The following OR5B21 variants were observed in gnomAD, a reference collection of about 807,000 sequenced individuals.
OR5B21 encodes the protein olfactory receptor 5B21.
For missense variants in OR5B21, 372 were observed against 375.7 expected, an observed-to-expected ratio of 0.99 and a Z score of 0.08; for synonymous variants, 151 against 143.3, an observed-to-expected ratio of 1.05 and a Z score of -0.38.
At position 58,507,738 on chromosome 11, in the gene OR5B21, G is replaced by C. The variant is rs148173637; in HGVS notation, c.368C>G (p.Ala123Gly). The C allele has an allele frequency of 6.2e-7, 1 of 1,614,006 alleles. No homozygotes were observed. The highest frequency in any genetic ancestry group is 1.7e-5 in the Admixed American group (1 of 59,970). ...LASMAYDRHA[A>G]VCRPLHYTTT... ...GGTGTAATGAAGAGGCCTACATACCGCTGCATGGCGATCATAGGCCATGGA... is the reference window on the plus strand; with the variant it reads ...GGTGTAATGAAGAGGCCTACATACCCCTGCATGGCGATCATAGGCCATGGA... Residue 123 changes from alanine to glycine, a missense_variant, in exon 1 of 1, where the codon GCG becomes GGG. By Grantham distance (60) the Ala-to-Gly change is moderately conservative. Transcript: ENST00000360374.
rs79301780 is a variant in OR5B21, at chr11:58,507,271, T to A, written c.835A>T (p.Ile279Phe). ...KIASVFYTVV[I>F]PMLNPLIYSL... ...TATATCAAGGGATTCAGCATGGGAA[T>A]CACCACTGTGTAAAACACAGAGGCT... The change falls in exon 1 of 1, where the codon ATT (isoleucine) becomes TTT (phenylalanine). Residue 279 changes from isoleucine to phenylalanine, a missense_variant. Transcript: ENST00000360374. The A allele has an allele frequency of 5.1e-3, 8,225 of 1,614,074 alleles. 324 individuals carry two copies. The African/African-American group carries it at 0.094, about 18-fold the overall frequency.
chr11:58,507,355 T>G lies in OR5B21; in HGVS notation c.751A>C (p.Thr251Pro). 1 of 1,614,158 alleles carries G rather than the reference T, an allele frequency of 6.2e-7. No homozygotes were observed. Among genetic ancestry groups the G allele is most frequent in the Non-Finnish European group, 8.5e-7 (1 of 1,180,024 alleles). The change falls in exon 1 of 1, where the codon ACA becomes CCA. Residue 251 changes from threonine (T) to proline (P), a missense_variant. By Grantham distance (38) the Thr-to-Pro change is conservative. Coordinates refer to ENST00000360374, the MANE Select transcript of OR5B21 (RefSeq NM_001005218.3). ...HLTALSIFYG[T>P]IIFMYLQPNS... Reference sequence around the variant, plus strand: ...GGCTGTAAGTACATGAAGATGATTGTGCCATAGAAGATGGACAAAGCAGTG... The same window carrying G: ...GGCTGTAAGTACATGAAGATGATTGGGCCATAGAAGATGGACAAAGCAGTG...
At position 58,507,068 on chromosome 11, in the gene OR5B21, T is replaced by C. The variant is rs1590737578; in HGVS notation, c.*108A>G. 2 of 764,916 alleles carry C rather than the reference T, an allele frequency of 2.6e-6. No individual in the cohort carries two copies. The highest frequency in any genetic ancestry group is 4.9e-5 in the East Asian group (2 of 40,578). The allele number at this position is 764,916 out of a possible 1,614,324, so 47.4% of individuals were successfully genotyped here. ...CTTCTAATAGCAGAAGTAACCGCTG[T>C]TCTTGGGGAAGAAAGAACTGAAACC... is the stretch of plus-strand genomic sequence containing the variant. On this transcript the variant is annotated 3_prime_UTR_variant, in exon 1 of 1. Transcript: ENST00000360374.
chr11:58,506,981 G>C lies in OR5B21; in HGVS notation c.*195C>G, dbSNP rs1277295100. Among the ~76,000 whole-genome samples, 1 of 152,200 alleles carries C rather than the reference G, an allele frequency of 6.6e-6. No individual in the cohort carries two copies. Among genetic ancestry groups the C allele is most frequent in the Non-Finnish European group, 1.5e-5 (1 of 68,034 alleles). The stretch of plus-strand genomic sequence containing the variant: ...AAGAAAAGCTTAACTGTCCCATGTT[G>C]TTGTTCACTAAATATAAGATTATCT... On this transcript the variant is annotated 3_prime_UTR_variant, in exon 1 of 1. Coordinates refer to ENST00000360374, the MANE Select transcript of OR5B21 (RefSeq NM_001005218.3).
rs771189295 is a variant in OR5B21 at position 58,507,496 on chromosome 11, C to T, written c.610G>A (p.Val204Ile). The change falls in exon 1 of 1, where the codon GTC becomes ATC. Residue 204 changes from valine to isoleucine, a missense_variant. Physicochemically the swap from Val to Ile is conservative, Grantham distance 29. Transcript: ENST00000360374. ...AGGATGACCAGGAGGGTGAAAAAGACGTTGAAGCCTGCCACAAAGACCACC... is the reference window on the plus strand; with the variant it reads ...AGGATGACCAGGAGGGTGAAAAAGATGTTGAAGCCTGCCACAAAGACCACC... ...KLVVFVAGFN[V>I]FFTLLVILIS... 2.3e-5 allele frequency: 37 copies of T among 1,614,042 alleles called. No homozygotes were observed. The East Asian group carries it at 3.1e-4, about 14-fold the overall frequency.
In OR5B21 at chr11:58,507,732, C is replaced by T. The variant is rs1853069193; in HGVS notation, c.374G>A (p.Cys125Tyr). 1 of 1,614,054 alleles carries T rather than the reference C, an allele frequency of 6.2e-7. No individual in the cohort carries two copies. Among genetic ancestry groups the T allele is most frequent in the African/African-American group, 1.3e-5 (1 of 74,944 alleles). ...SMAYDRHAAV[C>Y]RPLHYTTTMT... Reference sequence around the variant, plus strand: ...GGTGGTGGTGTAATGAAGAGGCCTACATACCGCTGCATGGCGATCATAGGC... The same window carrying T: ...GGTGGTGGTGTAATGAAGAGGCCTATATACCGCTGCATGGCGATCATAGGC... The change falls in exon 1 of 1, where the codon TGT becomes TAT. Residue 125 changes from cysteine to tyrosine, a missense_variant. Transcript: ENST00000360374.
In OR5B21 at chr11:58,507,558, A is replaced by G. The variant is rs531148002; in HGVS notation, c.548T>C (p.Leu183Pro). Residue 183 changes from leucine to proline, a missense_variant, in exon 1 of 1, where the codon CTG becomes CCG. Leu to Pro is a moderately conservative substitution (Grantham distance 98). Coordinates refer to ENST00000360374, the MANE Select transcript of OR5B21 (RefSeq NM_001005218.3). ...GCGTGTGTCAGAGCATGAGAGAGCC[A>G]GGAGTGGGGGAATGTCACAGAAGAA... ...NHFFCDIPPLLALSCSDTRIS... is the reference protein window; with the variant it reads ...NHFFCDIPPLPALSCSDTRIS... The G allele has an allele frequency of 1.4e-5, 22 of 1,614,060 alleles. No homozygotes were observed. In the Admixed American group the frequency reaches 3.3e-4, roughly 24 times the overall value.
chr11:58,507,067 G>A lies in OR5B21; in HGVS notation c.*109C>T. ...TCTTCTAATAGCAGAAGTAACCGCTGTTCTTGGGGAAGAAAGAACTGAAAC... is the reference window on the plus strand; with the variant it reads ...TCTTCTAATAGCAGAAGTAACCGCTATTCTTGGGGAAGAAAGAACTGAAAC... On this transcript the variant is annotated 3_prime_UTR_variant, in exon 1 of 1. Transcript: ENST00000360374. 5.3e-6 allele frequency: 4 copies of A among 760,502 alleles called. No individual in the cohort carries two copies. Among genetic ancestry groups the A allele is most frequent in the Non-Finnish European group, 8.8e-6 (4 of 452,962 alleles). 47.1% of individuals were successfully genotyped at this position (760,502 alleles called of 1,614,324 possible).
Position 58,508,062 on chromosome 11 carries a change from A to T in OR5B21, c.44T>A (p.Leu15Ter), listed in dbSNP as rs753916329. ...TEVTEFILLG[L>*]TDDPNLQIPL... ...TATCTGAAGATTGGGGTCATCTGTT[A>T]ATCCCAAGAGGATAAACTCTGTCAC... Residue 15 changes from leucine (L) to a stop codon, truncating the protein, a stop_gained, in exon 1 of 1, where the codon TTA becomes TAA. Transcript: ENST00000360374. LOFTEE classifies it low-confidence loss of function (END_TRUNC). 5.0e-6 allele frequency: 8 copies of T among 1,614,008 alleles called. No individual in the cohort carries two copies. Among genetic ancestry groups the T allele is most frequent in the Non-Finnish European group, 6.8e-6 (8 of 1,179,926 alleles).
In OR5B21 at chr11:58,507,869, C is replaced by A. The variant is rs370146756; in HGVS notation, c.237G>T (p.Thr79=). 2.3e-5 allele frequency: 37 copies of A among 1,614,104 alleles called. No homozygotes were observed. The Middle Eastern group carries it at 1.6e-3, about 72-fold the overall frequency. ...LGYSSAVAPK[T]VAALRSGDKA... ...TGTCCCCTGACCGCAATGCAGCCAC[C>A]GTTTTGGGGGCTACAGCTGATGAGT... The change falls in exon 1 of 1, where the codon ACG becomes ACT. Residue 79 remains threonine, a synonymous_variant. Coordinates refer to ENST00000360374, the MANE Select transcript of OR5B21 (RefSeq NM_001005218.3).
rs758203429 is a variant in OR5B21 at position 58,508,100 on chromosome 11, C to T, written c.6G>A (p.Glu2=). 1.2e-6 allele frequency: 2 copies of T among 1,610,726 alleles called. No individual in the cohort carries two copies. The highest frequency in any genetic ancestry group is 1.3e-5 in the African/African-American group (1 of 74,960). The change falls in exon 1 of 1, where the codon GAG becomes GAA. Residue 2 remains glutamate, a synonymous_variant. Coordinates refer to ENST00000360374, the MANE Select transcript of OR5B21 (RefSeq NM_001005218.3). M[E]NSTEVTEFIL... ...TAAACTCTGTCACTTCTGTGCTATTCTCCATTGTGGCCAGCTTGAATTAGC... is the reference window on the plus strand; with the variant it reads ...TAAACTCTGTCACTTCTGTGCTATTTTCCATTGTGGCCAGCTTGAATTAGC...
rs973073253 is a variant in OR5B21, at chr11:58,507,916, G to A, written c.190C>T (p.Leu64Phe). 1.9e-6 allele frequency: 3 copies of A among 1,614,138 alleles called. No individual in the cohort carries two copies. The South Asian group carries it at 3.3e-5, about 18-fold the overall frequency. The change falls in exon 1 of 1, where the codon CTC becomes TTC. Residue 64 changes from leucine (L) to phenylalanine (F), a missense_variant. Physicochemically the swap from Leu to Phe is conservative, Grantham distance 22 (BLOSUM62 0). Coordinates refer to ENST00000360374, the MANE Select transcript of OR5B21 (RefSeq NM_001005218.3). The stretch of plus-strand genomic sequence containing the variant: ...GAGTAACCCAAGTCTACAAGGGAGA[G>A]GTTACTGAGGAAAAAGTACATTGGA... ...HTPMYFFLSN[L>F]SLVDLGYSSA...
At position 58,507,497 on chromosome 11, in the gene OR5B21, G is replaced by A. The variant is rs148982754; in HGVS notation, c.609C>T (p.Asn203=). 187 of 1,614,008 alleles carry A rather than the reference G, an allele frequency of 1.2e-4. No individual in the cohort carries two copies. In the African/African-American group the frequency reaches 2.0e-3, roughly 17 times the overall value. Residue 203 remains asparagine, a synonymous_variant, in exon 1 of 1, where the codon AAC becomes AAT. Transcript: ENST00000360374. ...SKLVVFVAGF[N]VFFTLLVILI... The stretch of plus-strand genomic sequence containing the variant: ...GGATGACCAGGAGGGTGAAAAAGAC[G>A]TTGAAGCCTGCCACAAAGACCACCA...
rs569035967 is a variant in OR5B21 at position 58,507,245 on chromosome 11, G to T, written c.861C>A (p.Tyr287Ter). Residue 287 changes from tyrosine (Y) to a stop codon, truncating the protein, a stop_gained, in exon 1 of 1, where the codon TAC becomes TAA. Transcript: ENST00000360374. LOFTEE classifies it low-confidence loss of function (END_TRUNC). ...VVIPMLNPLI[Y>*]SLRNKEVKSA... Reference sequence around the variant, plus strand: ...TTTTCACTTCTTTGTTCCTAAGGCTGTATATCAAGGGATTCAGCATGGGAA... The same window carrying T: ...TTTTCACTTCTTTGTTCCTAAGGCTTTATATCAAGGGATTCAGCATGGGAA... The T allele has an allele frequency of 1.9e-6, 3 of 1,614,038 alleles. No homozygotes were observed. In the African/African-American group the frequency reaches 4.0e-5, roughly 22 times the overall value.
Position 58,507,737 on chromosome 11 carries a change from C to G in OR5B21, c.369G>C (p.Ala123=). ...TGGTGTAATGAAGAGGCCTACATAC[C>G]GCTGCATGGCGATCATAGGCCATGG... The part of the protein sequence containing the change: ...LASMAYDRHA[A]VCRPLHYTTT... Residue 123 remains alanine (A), a synonymous_variant, in exon 1 of 1, where the codon GCG becomes GCC. Coordinates refer to ENST00000360374, the MANE Select transcript of OR5B21 (RefSeq NM_001005218.3). The G allele has an allele frequency of 6.2e-7, 1 of 1,614,114 alleles. No individual in the cohort carries two copies. Among genetic ancestry groups the G allele is most frequent in the Non-Finnish European group, 8.5e-7 (1 of 1,180,020 alleles).
chr11:58,507,749 A>ATC lies in OR5B21; in HGVS notation c.355_356dup (p.Asp119GlufsTer17). The ATC allele has an allele frequency of 6.2e-7, 1 of 1,614,148 alleles. No homozygotes were observed. Among genetic ancestry groups the ATC allele is most frequent in the Non-Finnish European group, 8.5e-7 (1 of 1,180,008 alleles). On this transcript the variant is annotated frameshift_variant, in exon 1 of 1. Transcript: ENST00000360374. LOFTEE classifies it low-confidence loss of function (END_TRUNC). ...GAGGCCTACATACCGCTGCATGGCG[A>ATC]TCATAGGCCATGGAGGCCAGGAGGT...
In OR5B21 at chr11:58,507,617, T is replaced by C. The variant is rs756647182; in HGVS notation, c.489A>G (p.Arg163=). The C allele has an allele frequency of 2.2e-5, 35 of 1,613,364 alleles. No homozygotes were observed. Among genetic ancestry groups the C allele is most frequent in the Non-Finnish European group, 2.9e-5 (34 of 1,179,892 alleles). ...NASIHAAGTF[R]LSFCGSNEIN... ...TCTCATTAGAACCACAGAAGGAGAG[T>C]CTGAAGGTGCCTGCTGCATGGATAG... The change falls in exon 1 of 1, where the codon AGA becomes AGG. Residue 163 remains arginine (R), a synonymous_variant. Transcript: ENST00000360374.
chr11:58,507,117 G>A lies in OR5B21; in HGVS notation c.*59C>T. 8.5e-7 allele frequency: 1 copy of A among 1,173,420 alleles called. No individual in the cohort carries two copies. The highest frequency in any genetic ancestry group is 1.2e-6 in the Non-Finnish European group (1 of 813,672). 72.7% of individuals were successfully genotyped at this position (1,173,420 alleles called of 1,614,324 possible). ...CCAGTCAAACGTTAAAAGTCATGAT[G>A]GCATTTAGGTGTGAGAGAAAGTTTA... On this transcript the variant is annotated 3_prime_UTR_variant, in exon 1 of 1. Coordinates refer to ENST00000360374, the MANE Select transcript of OR5B21 (RefSeq NM_001005218.3).
rs1590738478 is a variant in OR5B21 at position 58,508,034 on chromosome 11, G to A, written c.72C>T (p.Pro24=). Residue 24 remains proline (P), a synonymous_variant, in exon 1 of 1, where the codon CCC becomes CCT. Transcript: ENST00000360374. The part of the protein sequence containing the change: ...GLTDDPNLQI[P]LLLAFLFIYL... Reference sequence around the variant, plus strand: ...AGATGAATAAAAATGCCAGGAGGAGGGGTATCTGAAGATTGGGGTCATCTG... The same window carrying A: ...AGATGAATAAAAATGCCAGGAGGAGAGGTATCTGAAGATTGGGGTCATCTG... The A allele has an allele frequency of 6.2e-7, 1 of 1,613,924 alleles. No homozygotes were observed. The highest frequency in any genetic ancestry group is 1.3e-5 in the African/African-American group (1 of 74,902).
Sources: gnomAD v4.1 joint callset for allele counts (sites outside exome capture counted in the v4.1 genomes callset) on GRCh38, gnomAD v4.1.1 for gene constraint, MANE v1.5 for transcripts, NCBI Gene and HGNC (gene_info 2026-07-23, HGNC 2026-07-21) for gene names.